The following MCMDC2 variants were observed in gnomAD, a reference collection of about 807,000 sequenced individuals.
MCMDC2 encodes the protein minichromosome maintenance domain-containing protein 2.
In MCMDC2, 54 loss-of-function variants were observed where a neutral mutation model predicts 75.8. The observed-to-expected ratio is 0.71, with a 90% CI of 0.57 to 0.89. The LOEUF (loss-of-function observed/expected upper bound fraction) is 0.89. Ranked by LOEUF, MCMDC2 falls within the 40% of genes least tolerant of loss-of-function variation. The pLI is 0.00. For synonymous variants in MCMDC2, 249 were observed against 274.6 expected (o/e 0.91, Z 0.92); for missense variants, 656 against 780.4 (o/e 0.84, Z 1.90).
At chr8:66,875,437 A>C (rs1293087539) in intron 4 of MCMDC2, among the ~76,000 whole-genome samples, 1 of 151,962 alleles carries the variant, frequency 6.6e-6, no homozygotes, top group Non-Finnish European at 1.5e-5. Context: ...GTGCCACCAC[A>C]CCTGGCTAAT....
chr8:66,882,303 C>T (rs867469846), intron 8 of MCMDC2, among the ~76,000 whole-genome samples: 1 of 152,278 alleles, frequency 6.6e-6, no homozygotes, highest in East Asian at 1.9e-4. Flanking sequence ...TCCGAGCTTT[C>T]GCAGATTATC....
chr8:66,877,679 A>C (rs1811358213), intron 5 of MCMDC2, 135 bp downstream of exon 5: 1 of 576,464 alleles, frequency 1.7e-6, no homozygotes, highest in Admixed American at 3.8e-5. Context: ...AGCCTGGGCA[A>C]CATGGAGAAA....
downstream of MCMDC2, chr8:66,922,428 T>C (rs763368201): frequency 1.8e-5 from 9 of 498,600 alleles, no homozygotes; most frequent in Admixed American, 1.0e-4. Context: ...AATTAAATTA[T>C]TGCCTTACAT....
intron 14 of MCMDC2, among the ~76,000 whole-genome samples, chr8:66,911,019 T>C (rs895199267): frequency 6.6e-6 from 1 of 152,236 alleles, no homozygotes; most frequent in African/African-American, 2.4e-5. Flanking sequence ...ACTTTGGACT[T>C]GGACTTTTGG....
chr8:66,914,519 G>A (rs1051447892), intron 14 of MCMDC2, among the ~76,000 whole-genome samples: 2 of 152,156 alleles, frequency 1.3e-5, no homozygotes, highest in Admixed American at 1.3e-4. Flanking sequence ...ACTGAAAGAG[G>A]GCCAGGGTGG....
In MCMDC2 at chr8:66,887,399, A is replaced by G. The variant is rs912731007; in HGVS notation, c.1073+3405A>G. Among the ~76,000 whole-genome samples the G allele has an allele frequency of 4.2e-3, 631 of 151,768 alleles. 9 individuals carry two copies. The highest frequency in any genetic ancestry group is 0.014 in the African/African-American group (596 of 41,358). Reference sequence around the variant, plus strand: ...ACTAAAAATACAAAAAAAAAAAAAAAAAATTAGCCGGGCATAGTGGTGCGT... The same window carrying G: ...ACTAAAAATACAAAAAAAAAAAAAAGAAATTAGCCGGGCATAGTGGTGCGT... On this transcript the variant is annotated intron_variant, in intron 9 of 14. Coordinates refer to ENST00000422365, the MANE Select transcript of MCMDC2 (RefSeq NM_173518.5).
downstream of MCMDC2, among the ~76,000 whole-genome samples, chr8:66,923,717 A>G (rs1813633173): frequency 6.6e-6 from 1 of 151,862 alleles, no homozygotes. Context: ...GCCAAACCCC[A>G]TCTCCACTAA....
intron 9 of MCMDC2, 114 bp from the exon 10 acceptor site, chr8:66,890,751 A>C (rs1274798838): frequency 3.4e-6 from 3 of 877,644 alleles, no homozygotes; most frequent in East Asian, 5.3e-5. Context: ...TATCCCTAGC[A>C]CAATAGCTGG....
chr8:66,875,034 G>A (rs564638260), intron 4 of MCMDC2, among the ~76,000 whole-genome samples: 25 of 152,172 alleles, frequency 1.6e-4, no homozygotes, highest in South Asian at 6.2e-4. Flanking sequence ...GATTACAGGC[G>A]TGAGCCACCG....
At position 66,901,258 on chromosome 8, in the gene MCMDC2, G is replaced by A. The variant is rs1812643181; in HGVS notation, c.1679G>A (p.Arg560Lys). Residue 560 changes from arginine to lysine, a missense_variant, in exon 13 of 15, where the codon AGA becomes AAA. Physicochemically the swap from Arg to Lys is conservative, Grantham distance 26. Transcript: ENST00000422365. ...LNVEFSLEAE[R>K]MTHGYYLASR... is the part of the protein sequence containing the mutation. ...GTAGAATTCAGCTTGGAAGCAGAAAGAATGACCCATGGCTATTATCTAGCA... is the reference window on the plus strand; with the variant it reads ...GTAGAATTCAGCTTGGAAGCAGAAAAAATGACCCATGGCTATTATCTAGCA... The A allele has an allele frequency of 6.2e-7, 1 of 1,613,956 alleles. No homozygotes were observed. Among genetic ancestry groups the A allele is most frequent in the Admixed American group, 1.7e-5 (1 of 59,990 alleles).
At chr8:66,874,922 A>AT (rs1554611266) in intron 4 of MCMDC2, among the ~76,000 whole-genome samples, 1 of 151,842 alleles carries the variant, frequency 6.6e-6, no homozygotes, top group Admixed American at 6.6e-5. Context: ...CGCTCAGCTA[A>AT]TTTTTGTATT....
In MCMDC2 at chr8:66,896,184, A is replaced by G. The variant is rs1265929196; in HGVS notation, c.1294A>G (p.Ser432Gly). Residue 432 changes from serine (S) to glycine (G), a missense_variant, in exon 11 of 15, where the codon AGC becomes GGC. By Grantham distance (56) the Ser-to-Gly change is moderately conservative (BLOSUM62 0). Coordinates refer to ENST00000422365, the MANE Select transcript of MCMDC2 (RefSeq NM_173518.5). Reference sequence around the variant, plus strand: ...TTCTGACTTAGTTCTGGAGAGCAGAAGCATCACAGTGTACATCCCAGGAAA... The same window carrying G: ...TTCTGACTTAGTTCTGGAGAGCAGAGGCATCACAGTGTACATCCCAGGAAA... ...EQLQTVLESR[S>G]ITVYIPGKKF... 6.2e-7 allele frequency: 1 copy of G among 1,607,248 alleles called. No individual in the cohort carries two copies. Among genetic ancestry groups the G allele is most frequent in the South Asian group, 1.1e-5 (1 of 88,778 alleles).
chr8:66,871,339 C>T (rs1289005011), intron 1 of MCMDC2, among the ~76,000 whole-genome samples: 1 of 152,108 alleles, frequency 6.6e-6, no homozygotes, highest in Non-Finnish European at 1.5e-5. Flanking sequence ...CTTAACACTT[C>T]TCCTTGGGCT....
rs149065356 is a variant in MCMDC2 at position 66,892,277 on chromosome 8, G to A, written c.1279+1207G>A. On this transcript the variant is annotated intron_variant, in intron 10 of 14. Transcript: ENST00000422365. ...CCTGCAGTCCAGCAAACAAGAGTGT[G>A]TCACCACTCACAGCTCAGTGAGCTG... Among the ~76,000 whole-genome samples the A allele has an allele frequency of 1.1e-4, 17 of 152,336 alleles. No individual in the cohort carries two copies. In the East Asian group the frequency reaches 2.9e-3, roughly 26 times the overall value.
chr8:66,926,008 T>C (rs1253870521), downstream of MCMDC2, among the ~76,000 whole-genome samples: 1 of 151,818 alleles, frequency 6.6e-6, no homozygotes, highest in African/African-American at 2.4e-5. Context: ...AATTGGCCGA[T>C]TGTGGTGACG....
At chr8:66,901,104 A>G (rs113346637) in intron 12 of MCMDC2, 102 bp from the exon 13 acceptor site, 6 of 822,470 alleles carry the variant, frequency 7.3e-6, no homozygotes, top group Non-Finnish European at 1.2e-5. Context: ...TATGTAATAA[A>G]ATATGCAAAC....
intron 13 of MCMDC2, among the ~76,000 whole-genome samples, chr8:66,902,838 C>T (rs940398162): frequency 6.7e-6 from 1 of 148,308 alleles, no homozygotes; most frequent in South Asian, 2.1e-4. Context: ...AAATAGAACT[C>T]TTAAAGCACG....
Position 66,874,433 on chromosome 8 carries a change from A to G in MCMDC2, c.202A>G (p.Lys68Glu). The G allele has an allele frequency of 1.2e-6, 2 of 1,613,784 alleles. No individual in the cohort carries two copies. Among genetic ancestry groups the G allele is most frequent in the Non-Finnish European group, 1.7e-6 (2 of 1,179,928 alleles). Reference sequence around the variant, plus strand: ...AAATCACATTTTACACCAACCTTTAAAAGCTGCTGAAGTCTTTCAATCAGT... The same window carrying G: ...AAATCACATTTTACACCAACCTTTAGAAGCTGCTGAAGTCTTTCAATCAGT... ...LGNHILHQPLKAAEVFQSVCF... is the reference protein window; with the variant it reads ...LGNHILHQPLEAAEVFQSVCF... The change falls in exon 3 of 15, where the codon AAA becomes GAA. Residue 68 changes from lysine (K) to glutamate (E), a missense_variant. Lys to Glu is a moderately conservative substitution (Grantham distance 56). Coordinates refer to ENST00000422365, the MANE Select transcript of MCMDC2 (RefSeq NM_173518.5).
At chr8:66,907,643 C>T (rs759287549) in intron 14 of MCMDC2, among the ~76,000 whole-genome samples, 4 of 152,184 alleles carry the variant, frequency 2.6e-5, no homozygotes, top group Admixed American at 6.5e-5. Context: ...CTTGAGGAAT[C>T]GCCACACTGT....
Sources: allele counts gnomAD v4.1 joint callset (sites outside exome capture counted in the v4.1 genomes callset), GRCh38; gene constraint gnomAD v4.1.1; transcripts MANE v1.5; gene names NCBI Gene and HGNC (gene_info 2026-07-23, HGNC 2026-07-21).